The following TNRC18 variants were observed in gnomAD, a reference collection of about 807,000 sequenced individuals.
The protein encoded by TNRC18 is trinucleotide repeat-containing gene 18 protein.
TNRC18 carries 69 observed loss-of-function variants against 226.7 expected under a neutral mutation model. That is an observed-to-expected ratio of 0.30 (90% CI 0.25 to 0.37). The LOEUF is 0.37. Among genes scored for constraint, TNRC18 ranks in the 10% least tolerant of loss-of-function variants. The pLI is 1.00. For synonymous variants in TNRC18, 2,449 were observed against 1,927.6 expected (o/e 1.27, Z -7.09); for missense variants, 4,754 against 4,256.6 (o/e 1.12, Z -3.25).
intron 5 of TNRC18, among the ~76,000 whole-genome samples, chr7:5,380,771 G>C (rs1779344046): frequency 6.6e-6 from 1 of 152,148 alleles, no homozygotes; most frequent in Non-Finnish European, 1.5e-5. Flanking sequence ...GGCAGGACTG[G>C]GGCAACGGAG....
Position 5,372,466 on chromosome 7 carries a change from A to AC in TNRC18, c.3230-1103dup, listed in dbSNP as rs1431883958. 2.3e-5 allele frequency among the ~76,000 whole-genome samples: 3 copies of AC among 131,672 alleles called. No homozygotes were observed. The East Asian group carries it at 6.7e-4, about 29-fold the overall frequency. The allele number at this position is 131,672 out of a possible 152,430, so 86.4% of individuals were successfully genotyped here. On this transcript the variant is annotated intron_variant, in intron 10 of 29. Coordinates refer to ENST00000430969, the MANE Select transcript of TNRC18 (RefSeq NM_001080495.3). ...TCAAACTCCTAACCTCAGGTGATCC[A>AC]CCCGCCTCAGCCTCCCAAAGTGCTG...
At chr7:5,389,581 G>C (rs67800908) in intron 4 of TNRC18, 3 of 310,466 alleles carry the variant, frequency 9.7e-6, no homozygotes, top group South Asian at 1.5e-4. Context: ...CAGCCTCTCC[G>C]GTAGCTGGGA....
chr7:5,345,517 G>GGGGGGGGCGCCCCCCCCCCCCCCCCCC, intron 18 of TNRC18, 45 bp downstream of exon 18: 1 of 377,744 alleles, frequency 2.6e-6, no homozygotes, highest in Non-Finnish European at 4.8e-6. Flanking sequence ...AATGGCGTCC[G>GGGGGGGGCGCCCCCCCCCCCCCCCCCC]CCCCTCCCAC....
chr7:5,346,110 C>T (rs911820926), intron 17 of TNRC18, among the ~76,000 whole-genome samples: 13 of 152,246 alleles, frequency 8.5e-5, no homozygotes, highest in Non-Finnish European at 1.8e-4. Context: ...TGGCAGGGGC[C>T]AGACACACGG....
chr7:5,406,714 G>C (rs1027786422), intron 2 of TNRC18, among the ~76,000 whole-genome samples: 2 of 151,732 alleles, frequency 1.3e-5, no homozygotes, highest in African/African-American at 2.4e-5. Context: ...AGCTGGGCAT[G>C]GTGGCAGATG....
At chr7:5,390,724 A>G in intron 3 of TNRC18, 96 bp from the exon 4 acceptor site, 1 of 1,388,718 alleles carries the variant, frequency 7.2e-7, no homozygotes. Flanking sequence ...TTGGCAGCCG[A>G]CCGCTGGTAC....
Position 5,354,205 on chromosome 7 carries a change from AAAT to A in TNRC18, c.5195-2114_5195-2112del, listed in dbSNP as rs200273473. Among the ~76,000 whole-genome samples, 32 of 151,982 alleles carry A rather than the reference AAAT, an allele frequency of 2.1e-4. No homozygotes were observed. In the East Asian group the frequency reaches 6.0e-3, roughly 28 times the overall value. On this transcript the variant is annotated intron_variant, in intron 16 of 29. Transcript: ENST00000430969. ...GCAAAAACAGCAAAACTCCATCTCA[AAAT>A]AATAATAATAATAGTAATAATTAAT...
rs144713102 is a variant in TNRC18, at chr7:5,369,605, C to CAG, written c.4219+768_4219+769dup. On this transcript the variant is annotated intron_variant, in intron 11 of 29. Coordinates refer to ENST00000430969, the MANE Select transcript of TNRC18 (RefSeq NM_001080495.3). ...GGAAGGAGGGAAGGAGACGGGGACA[C>CAG]AGAGAGAGAGAGACTAGGGAAGGGC... is the stretch of plus-strand genomic sequence containing the variant. Among the ~76,000 whole-genome samples, 5 of 151,600 alleles carry CAG rather than the reference C, an allele frequency of 3.3e-5. No homozygotes were observed. The South Asian group carries it at 1.0e-3, about 32-fold the overall frequency.
intron 14 of TNRC18, among the ~76,000 whole-genome samples, chr7:5,360,479 C>T (rs1792919055): frequency 6.6e-6 from 1 of 152,188 alleles, no homozygotes; most frequent in African/African-American, 2.4e-5. Flanking sequence ...ATCCGCCTGC[C>T]TCGGCCTCCT....
intron 19 of TNRC18, among the ~76,000 whole-genome samples, chr7:5,326,875 A>G (rs949303869): frequency 3.4e-4 from 52 of 152,110 alleles, no homozygotes; most frequent in African/African-American, 1.2e-3. Context: ...CTGTAATCCC[A>G]GCACTTTGGG....
intron 19 of TNRC18, 180 bp from the exon 20 acceptor site, chr7:5,325,428 G>GTTTT: frequency 1.3e-5 from 6 of 468,478 alleles, no homozygotes; most frequent in East Asian, 4.5e-5. Context: ...GTTTTTTTTT[G>GTTTT]TTTTTTTTTT....
chr7:5,405,938 A>T (rs1338279535), intron 2 of TNRC18, among the ~76,000 whole-genome samples: 2 of 152,220 alleles, frequency 1.3e-5, no homozygotes, highest in African/African-American at 4.8e-5. Flanking sequence ...AGACGTTGAA[A>T]TCCAGAACTC....
chr7:5,324,499 AC>A lies in TNRC18; in HGVS notation c.6301-145del. Reference sequence around the variant, plus strand: ...CATGGCAGGGATCCCAGTTAGGGGCACCCCAGAGGCCAGGGGGAAGGTGAAA... The same window carrying A: ...CATGGCAGGGATCCCAGTTAGGGGCACCCAGAGGCCAGGGGGAAGGTGAAA... On this transcript the variant is annotated intron_variant, in intron 20 of 29. Transcript: ENST00000430969. This position sits in a 1 kb window ranked among gnomAD's most constrained non-coding sequence, Gnocchi z 4.8. 4 of 1,180,680 alleles carry A rather than the reference AC, an allele frequency of 3.4e-6. No individual in the cohort carries two copies. The highest frequency in any genetic ancestry group is 4.7e-6 in the Non-Finnish European group (4 of 850,048). The allele number at this position is 1,180,680 out of a possible 1,614,324, so 73.1% of individuals were successfully genotyped here.
At chr7:5,410,859 TC>T (rs1416431577) in intron 2 of TNRC18, among the ~76,000 whole-genome samples, 1 of 38,776 alleles carries the variant, frequency 2.6e-5, no homozygotes, top group African/African-American at 1.5e-4. Context: ...AGACTCCATC[TC>T]AAAAAAAAAA....
intron 18 of TNRC18, among the ~76,000 whole-genome samples, chr7:5,340,794 T>C (rs929263706): frequency 2.7e-5 from 4 of 150,136 alleles, no homozygotes; most frequent in African/African-American, 4.9e-5. Context: ...AACATAAAAA[T>C]GCAAGGATAA....
intron 17 of TNRC18, among the ~76,000 whole-genome samples, chr7:5,346,574 C>T (rs983584248): frequency 5.3e-5 from 8 of 151,674 alleles, no homozygotes; most frequent in African/African-American, 1.5e-4. Flanking sequence ...TTTGGGAGGC[C>T]GAGGCAGGAG....
At chr7:5,372,623 A>G (rs890287656) in intron 10 of TNRC18, among the ~76,000 whole-genome samples, 2 of 152,086 alleles carry the variant, frequency 1.3e-5, no homozygotes, top group African/African-American at 4.8e-5. Flanking sequence ...GCAAAGGTGG[A>G]AAGATCACTT....
chr7:5,332,380 C>T (rs1480777521), intron 19 of TNRC18, among the ~76,000 whole-genome samples: 2 of 152,190 alleles, frequency 1.3e-5, no homozygotes, highest in African/African-American at 2.4e-5. Context: ...CTGCAGTGAG[C>T]CATGATCAGG....
intron 2 of TNRC18, chr7:5,420,612 T>C: frequency 4.4e-6 from 2 of 456,604 alleles, no homozygotes; most frequent in South Asian, 3.1e-5. Flanking sequence ...GCGCGAGTGG[T>C]GGAGCTGGGA....
Sources: allele counts gnomAD v4.1 joint callset (sites outside exome capture counted in the v4.1 genomes callset), GRCh38; gene constraint gnomAD v4.1.1; non-coding constraint Gnocchi (gnomAD v3.1); transcripts MANE v1.5; gene names NCBI Gene and HGNC (gene_info 2026-07-23, HGNC 2026-07-21).